PHF24: variants seen among roughly 807,000 people sequenced by gnomAD.
PHF24 encodes Galpha inhibitory interacting protein.
PHF24 carries 25 observed loss-of-function variants against 42.6 expected under a neutral mutation model. That is an observed-to-expected ratio of 0.59 (90% CI 0.43 to 0.82). The LOEUF (loss-of-function observed/expected upper bound fraction) is 0.82. Among genes scored for constraint, PHF24 ranks in the 40% least tolerant of loss-of-function variants. The probability of loss-of-function intolerance (pLI) is 0.00; values close to 1 mark genes in which losing one functional copy is unlikely to be tolerated. For missense variants in PHF24, 470 were observed against 538.1 expected (o/e 0.87, Z 1.25); for synonymous variants, 185 against 204.8 (o/e 0.90, Z 0.83).
At chr9:34,794,710 A>G in the PHF24 span, among the ~76,000 whole-genome samples, 8 of 152,236 alleles carry the variant, frequency 5.3e-5, no homozygotes, top group Non-Finnish European at 1.0e-4. Context: ...TCTAGAGCAC[A>G]ATAAAGAAAG....
chr9:34,971,504 A>G (rs1437428086), exon 2 of PHF24: 1 of 1,614,028 alleles, frequency 6.2e-7, no homozygotes, highest in South Asian at 1.1e-5. Flanking sequence ...TCGGTGGTCC[A>G]GGAAGAGAGT....
the PHF24 span, among the ~76,000 whole-genome samples, chr9:34,681,777 C>G: frequency 6.6e-6 from 1 of 152,306 alleles, no homozygotes; most frequent in African/African-American, 2.4e-5. Flanking sequence ...TGCCACTGTA[C>G]TCCAGCCTGG....
At chr9:34,907,784 ATTTC>A in the PHF24 span, among the ~76,000 whole-genome samples, 1 of 149,906 alleles carries the variant, frequency 6.7e-6, no homozygotes, top group Non-Finnish European at 1.5e-5. Flanking sequence ...TTCCAGTTTG[ATTTC>A]TTTCTTCGCT....
At chr9:34,751,042 A>G in the PHF24 span, among the ~76,000 whole-genome samples, 2 of 152,198 alleles carry the variant, frequency 1.3e-5, no homozygotes, top group Non-Finnish European at 2.9e-5. Context: ...GGATGGGAAA[A>G]GATACTCCAT....
At chr9:34,870,893 G>A in the PHF24 span, among the ~76,000 whole-genome samples, 1 of 152,166 alleles carries the variant, frequency 6.6e-6, no homozygotes, top group Non-Finnish European at 1.5e-5. Flanking sequence ...TGGAAATCAT[G>A]AGTAAAGCTG....
the PHF24 span, among the ~76,000 whole-genome samples, chr9:34,947,114 G>C: frequency 6.6e-6 from 1 of 152,226 alleles, no homozygotes; most frequent in Non-Finnish European, 1.5e-5. Flanking sequence ...GGGTGAGCTT[G>C]AGACTCGGAC....
At chr9:34,823,483 C>G in the PHF24 span, among the ~76,000 whole-genome samples, 1 of 152,132 alleles carries the variant, frequency 6.6e-6, no homozygotes, top group Admixed American at 6.5e-5. Flanking sequence ...CCTTGCCTAC[C>G]TTTTCTAGAT....
At chr9:34,907,705 G>C in the PHF24 span, among the ~76,000 whole-genome samples, 1 of 152,046 alleles carries the variant, frequency 6.6e-6, no homozygotes, top group Non-Finnish European at 1.5e-5. Flanking sequence ...CATTGGTCCA[G>C]TCTTTCATCC....
chr9:34,972,641 C>T (rs756697439), intron 3 of PHF24, 110 bp downstream of exon 3: 197 of 1,045,538 alleles, frequency 1.9e-4, no homozygotes, highest in South Asian at 3.2e-4. Context: ...ATGGGCTGGG[C>T]GCGGTGGCTC....
At chr9:34,970,398 C>A (rs1826932605) in intron 1 of PHF24, among the ~76,000 whole-genome samples, 1 of 152,060 alleles carries the variant, frequency 6.6e-6, no homozygotes, top group African/African-American at 2.4e-5. Context: ...TACCTTAGAG[C>A]TTTGTAATAG....
At chr9:34,734,300 G>C in the PHF24 span, among the ~76,000 whole-genome samples, 2 of 152,218 alleles carry the variant, frequency 1.3e-5, no homozygotes, top group South Asian at 2.1e-4. Context: ...CTGTAGCCCA[G>C]CGTGAGAATA....
chr9:34,672,299 C>T, the PHF24 span, among the ~76,000 whole-genome samples: 4 of 151,978 alleles, frequency 2.6e-5, no homozygotes, highest in Non-Finnish European at 5.9e-5. Context: ...GTACAGTTAA[C>T]CAGAGCTTTC....
intron 1 of PHF24, among the ~76,000 whole-genome samples, chr9:34,962,353 A>G (rs1826619961): frequency 6.6e-6 from 1 of 151,222 alleles, no homozygotes; most frequent in Admixed American, 6.6e-5. Flanking sequence ...CTCTTCCTGG[A>G]ATGCTTTTTT....
chr9:34,793,751 T>C, the PHF24 span, among the ~76,000 whole-genome samples: 1 of 148,440 alleles, frequency 6.7e-6, no homozygotes, highest in South Asian at 2.2e-4. Context: ...CCTGTGTTTC[T>C]TTTATTCTCT....
intron 1 of PHF24, among the ~76,000 whole-genome samples, chr9:34,962,943 T>G (rs964644303): frequency 1.3e-5 from 2 of 152,206 alleles, no homozygotes; most frequent in African/African-American, 4.8e-5. Flanking sequence ...AAGACAGTTT[T>G]TCTGTCTAGC....
chr9:34,982,132 T>A (rs1385255986), exon 8 of PHF24: 2 of 152,198 alleles, frequency 1.3e-5, no homozygotes, highest in African/African-American at 4.8e-5. Flanking sequence ...CCAATCACAT[T>A]CCAGTTTCTA....
chr9:34,709,308 C>T, the PHF24 span: 2 of 1,529,980 alleles, frequency 1.3e-6, no homozygotes, highest in Non-Finnish European at 1.8e-6. Context: ...GGCCCCTGAG[C>T]ATAGCCTCCT....
the PHF24 span, chr9:34,837,154 T>C: frequency 8.5e-6 from 4 of 470,982 alleles, no homozygotes; most frequent in Non-Finnish European, 1.8e-5. Flanking sequence ...AGTGTTATAG[T>C]AGACAGTGGC....
the PHF24 span, among the ~76,000 whole-genome samples, chr9:34,694,005 C>A: frequency 6.6e-6 from 1 of 151,942 alleles, no homozygotes; most frequent in Admixed American, 6.6e-5. Context: ...ATGGTGAAAC[C>A]CCATCTCAAC....
Sources: gnomAD v4.1 joint callset for allele counts (sites outside exome capture counted in the v4.1 genomes callset) on GRCh38, gnomAD v4.1.1 for gene constraint, MANE v1.5 for transcripts, NCBI Gene and HGNC (gene_info 2026-07-23, HGNC 2026-07-21) for gene names.